The following TRPS1 variants were observed in gnomAD, a reference collection of about 807,000 sequenced individuals.
TRPS1 encodes zinc finger transcription factor Trps1.
In TRPS1, 6 loss-of-function variants were observed where a neutral mutation model predicts 101.2. The observed-to-expected ratio is 0.06, with a 90% CI of 0.03 to 0.12. TRPS1 has a LOEUF of 0.12. Among genes scored for constraint, TRPS1 ranks in the 10% least tolerant of loss-of-function variants. TRPS1 has a pLI of 1.00. For missense variants in TRPS1, 1,363 were observed against 1,567.0 expected, an observed-to-expected ratio of 0.87 and a Z score of 2.20; for synonymous variants, 578 against 589.8, an observed-to-expected ratio of 0.98 and a Z score of 0.29.
At chr8:115,423,396 T>C (rs923786515) in intron 5 of TRPS1, among the ~76,000 whole-genome samples, 11 of 152,236 alleles carry the variant, frequency 7.2e-5, no homozygotes, top group African/African-American at 2.4e-4. Flanking sequence ...ATAACTGGCC[T>C]GTCTTTTGAG....
At chr8:115,665,153 TATC>T (rs1294656055) in intron 1 of TRPS1, among the ~76,000 whole-genome samples, 1 of 152,192 alleles carries the variant, frequency 6.6e-6, no homozygotes, top group African/African-American at 2.4e-5. Context: ...AAAGGTCAGT[TATC>T]AGCATTTATT....
intron 6 of TRPS1, among the ~76,000 whole-genome samples, chr8:115,417,738 G>A (rs1289260143): frequency 6.6e-6 from 1 of 152,132 alleles, no homozygotes; most frequent in Non-Finnish European, 1.5e-5. Context: ...CTACCCTGGT[G>A]TGTGTGCTAT....
At position 115,410,047 on chromosome 8, in the gene TRPS1, C is replaced by G. The variant is rs1433180716; in HGVS notation, c.*3976G>C. On this transcript the variant is annotated 3_prime_UTR_variant, in exon 7 of 7. Coordinates refer to ENST00000395715, the MANE Select transcript of TRPS1 (RefSeq NM_014112.5). Reference sequence around the variant, plus strand: ...CCAGCTTCTTTACTCCACATTTCCACCACTGGATGGCAGATATTCCCCCTC... The same window carrying G: ...CCAGCTTCTTTACTCCACATTTCCAGCACTGGATGGCAGATATTCCCCCTC... 1 of 151,992 alleles carries G rather than the reference C, an allele frequency of 6.6e-6. No homozygotes were observed. Among genetic ancestry groups the G allele is most frequent in the Non-Finnish European group, 1.5e-5 (1 of 67,962 alleles). The allele number at this position is 151,992 out of a possible 1,614,324, so 9.4% of individuals were successfully genotyped here. A position where few individuals can be genotyped will look rare whatever the true frequency, so the allele number is the denominator to read the frequency against.
chr8:115,587,308 G>C lies in TRPS1; in HGVS notation c.2393C>G (p.Ser798Cys). 6.2e-7 allele frequency: 1 copy of C among 1,614,160 alleles called. No homozygotes were observed. Among genetic ancestry groups the C allele is most frequent in the Non-Finnish European group, 8.5e-7 (1 of 1,180,024 alleles). The change falls in exon 5 of 7, where the codon TCC becomes TGC. Residue 798 changes from serine (S) to cysteine (C), a missense_variant. This residue lies in a region of TRPS1 where 1,020 missense variants were observed against 1,073.0 expected (regional missense o/e 0.95). Coordinates refer to ENST00000395715, the MANE Select transcript of TRPS1 (RefSeq NM_014112.5). Reference sequence around the variant, plus strand: ...AGTCACATTGCGAAGGTCATCACTGGAACTCTCGGTCCAAACTTTCTCTTT... The same window carrying C: ...AGTCACATTGCGAAGGTCATCACTGCAACTCTCGGTCCAAACTTTCTCTTT... ...GLKEKVWTESSSDDLRNVTWR... is the reference protein window; with the variant it reads ...GLKEKVWTESCSDDLRNVTWR...
Position 115,414,850 on chromosome 8 carries a change from G to C in TRPS1, c.3058C>G (p.Gln1020Glu). The C allele has an allele frequency of 6.2e-7, 1 of 1,613,940 alleles. No homozygotes were observed. Among genetic ancestry groups the C allele is most frequent in the Admixed American group, 1.7e-5 (1 of 59,976 alleles). Reference protein sequence around the residue: ...PLPSLSKYEAQGSLTKSHSAQ... With the variant: ...PLPSLSKYEAEGSLTKSHSAQ... ...GAATGGCTTTTAGTCAATGAACCCT[G>C]GGCTTCGTATTTACTTAGGCTGGGG... is the stretch of plus-strand genomic sequence containing the variant. Residue 1020 changes from glutamine (Q) to glutamate (E), a missense_variant, in exon 7 of 7, where the codon CAG (glutamine) becomes GAG (glutamate). Coordinates refer to ENST00000395715, the MANE Select transcript of TRPS1 (RefSeq NM_014112.5). This position sits in a 1 kb window ranked among gnomAD's most constrained non-coding sequence, Gnocchi z 4.8.
At chr8:115,543,262 T>C (rs1413069181) in intron 5 of TRPS1, among the ~76,000 whole-genome samples, 1 of 152,208 alleles carries the variant, frequency 6.6e-6, no homozygotes, top group African/African-American at 2.4e-5. Context: ...GTGTACCACA[T>C]AGAGGTGACA....
chr8:115,482,968 C>T (rs16887480), intron 5 of TRPS1, among the ~76,000 whole-genome samples: 5,443 of 152,188 alleles, frequency 0.036, 366 homozygotes, highest in African/African-American at 0.12. Flanking sequence ...AGCAATTTGC[C>T]TTTTACATAT....
At chr8:115,447,824 T>C (rs1813775132) in intron 5 of TRPS1, among the ~76,000 whole-genome samples, 1 of 152,166 alleles carries the variant, frequency 6.6e-6, no homozygotes, top group Non-Finnish European at 1.5e-5. Context: ...ATGAAATCAC[T>C]GTACAGAGAT....
At chr8:115,621,685 C>A (rs544810155) in intron 2 of TRPS1, among the ~76,000 whole-genome samples, 1 of 152,026 alleles carries the variant, frequency 6.6e-6, no homozygotes, top group African/African-American at 2.4e-5. Context: ...GAGGCCACGG[C>A]GGGTGGATCA....
chr8:115,625,085 G>A lies in TRPS1; in HGVS notation c.-121-1327C>T, dbSNP rs536459165. ...AATTTAAAAACAGAGCTTAGATCACGCATCAGCTCAACACAGGTGAACTAA... is the reference window on the plus strand; with the variant it reads ...AATTTAAAAACAGAGCTTAGATCACACATCAGCTCAACACAGGTGAACTAA... On this transcript the variant is annotated intron_variant, in intron 1 of 6. Transcript: ENST00000395715. 2.6e-5 allele frequency among the ~76,000 whole-genome samples: 4 copies of A among 151,902 alleles called. No homozygotes were observed. In the South Asian group the frequency reaches 6.2e-4, roughly 24 times the overall value.
chr8:115,495,829 C>T (rs972461060), intron 5 of TRPS1, among the ~76,000 whole-genome samples: 2 of 152,108 alleles, frequency 1.3e-5, no homozygotes, highest in Non-Finnish European at 2.9e-5. Flanking sequence ...ACTGTTCAAA[C>T]AAAATTCTAC....
chr8:115,562,010 C>G (rs940676486), intron 5 of TRPS1, among the ~76,000 whole-genome samples: 1 of 151,956 alleles, frequency 6.6e-6, no homozygotes, highest in African/African-American at 2.4e-5. Context: ...TTTCCCAGTA[C>G]GTGTATAAAT....
chr8:115,658,785 C>T (rs972064065), intron 1 of TRPS1, among the ~76,000 whole-genome samples: 1 of 151,844 alleles, frequency 6.6e-6, no homozygotes, highest in Non-Finnish European at 1.5e-5. Context: ...TAAATGTACA[C>T]AAATATGTGT....
rs1369363309 is a variant in TRPS1 at position 115,667,939 on chromosome 8, C to A, written c.-122+606G>T. 8 of 1,492,760 alleles carry A rather than the reference C, an allele frequency of 5.4e-6. No individual in the cohort carries two copies. In the South Asian group the frequency reaches 8.5e-5, roughly 16 times the overall value. 92.5% of individuals were successfully genotyped at this position (1,492,760 alleles called of 1,614,324 possible). A position where few individuals can be genotyped will look rare whatever the true frequency, so the allele number is the denominator to read the frequency against. ...CGAGCCCCCAGAAAACTTGCAGTGG[C>A]GGCGGCGGCGGCGGCCCCTCGGGTC... On this transcript the variant is annotated intron_variant, in intron 1 of 6. Coordinates refer to ENST00000395715, the MANE Select transcript of TRPS1 (RefSeq NM_014112.5).
intron 5 of TRPS1, among the ~76,000 whole-genome samples, chr8:115,471,754 C>T (rs936882855): frequency 2.0e-5 from 3 of 152,246 alleles, no homozygotes; most frequent in Admixed American, 2.0e-4. Flanking sequence ...GGTATATACA[C>T]GTGTTCAAAA....
chr8:115,470,474 C>T (rs535917280), intron 5 of TRPS1, among the ~76,000 whole-genome samples: 2 of 152,004 alleles, frequency 1.3e-5, no homozygotes, highest in South Asian at 4.2e-4. Flanking sequence ...CTTATTGTTG[C>T]CTTATTTGTG....
intron 5 of TRPS1, among the ~76,000 whole-genome samples, chr8:115,448,370 T>A (rs576934979): frequency 6.6e-6 from 1 of 152,312 alleles, no homozygotes; most frequent in East Asian, 1.9e-4. Flanking sequence ...TTCACAAATG[T>A]AGTTCAGCTC....
rs1429026867 is a variant in TRPS1, at chr8:115,604,229, A to G, written c.1740T>C (p.Cys580=). 6.2e-7 allele frequency: 1 copy of G among 1,614,088 alleles called. No homozygotes were observed. The highest frequency in any genetic ancestry group is 8.5e-7 in the Non-Finnish European group (1 of 1,179,996). The stretch of plus-strand genomic sequence containing the variant: ...TTTCTGGGCTGCAAAGTCCTCTGGG[A>G]CAGAATGGACAGTGTTTAATGGTAC... The part of the protein sequence containing the change: ...HKCTIKHCPF[C]PRGLCSPEKH... The change falls in exon 4 of 7, where the codon TGT becomes TGC. Residue 580 remains cysteine, a synonymous_variant. Coordinates refer to ENST00000395715, the MANE Select transcript of TRPS1 (RefSeq NM_014112.5). This position sits in a 1 kb window ranked among gnomAD's most constrained non-coding sequence, Gnocchi z 4.1.
chr8:115,448,969 C>G (rs1375552370), intron 5 of TRPS1, among the ~76,000 whole-genome samples: 1 of 152,140 alleles, frequency 6.6e-6, no homozygotes, highest in East Asian at 1.9e-4. Flanking sequence ...TCAATACAGA[C>G]CCCTTTGCTG....
Sources: allele counts gnomAD v4.1 joint callset (sites outside exome capture counted in the v4.1 genomes callset), GRCh38; gene constraint gnomAD v4.1.1; regional missense constraint gnomAD v4.1.1; non-coding constraint Gnocchi (gnomAD v3.1); transcripts MANE v1.5; gene names NCBI Gene and HGNC (gene_info 2026-07-23, HGNC 2026-07-21).